Variants in CHIC1 observed in about 807,000 individuals in gnomAD.
CHIC1 encodes cysteine-rich hydrophobic domain-containing protein 1.
CHIC1 carries 7 observed loss-of-function variants against 18.5 expected under a neutral mutation model. That is an observed-to-expected ratio of 0.38 (90% confidence interval 0.22 to 0.71). The LOEUF (loss-of-function observed/expected upper bound fraction) is 0.71. Ranked by LOEUF, CHIC1 falls within the 30% of genes least tolerant of loss-of-function variation. The pLI, the probability that CHIC1 is intolerant of heterozygous loss-of-function variation, is 0.49. For missense variants in CHIC1, 159 were observed against 176.9 expected (o/e 0.90, Z 0.57); for synonymous variants, 77 against 73.5 (o/e 1.05, Z -0.25).
At chrX:73,599,309 T>G (rs1165919511) in intron 3 of CHIC1, among the ~76,000 whole-genome samples, 1 of 103,140 alleles carries the variant, frequency 9.7e-6, no homozygotes, top group Non-Finnish European at 1.9e-5. Context: ...GGTAGTTTCT[T>G]TTGCTGTGCA....
intron 3 of CHIC1, 60 bp downstream of exon 3, chrX:73,584,632 A>G: frequency 1.2e-6 from 1 of 862,355 alleles, no homozygotes; most frequent in African/African-American, 2.0e-5. Context: ...AAAACTTACT[A>G]TGTGCTATGA....
At chrX:73,658,717 T>C (rs2057964215) in intron 3 of CHIC1, among the ~76,000 whole-genome samples, 1 of 111,663 alleles carries the variant, frequency 9.0e-6, no homozygotes. Flanking sequence ...CTTTTTGTTG[T>C]GATGTTAGGT....
intron 3 of CHIC1, among the ~76,000 whole-genome samples, chrX:73,660,324 C>A (rs921856337): frequency 9.0e-6 from 1 of 111,641 alleles, no homozygotes; most frequent in Non-Finnish European, 1.9e-5. Context: ...TAATGAGGGA[C>A]CCCACTGGGG....
chrX:73,614,689 A>C (rs67781133), intron 3 of CHIC1, among the ~76,000 whole-genome samples: 5,252 of 109,737 alleles, frequency 0.048, 322 homozygotes, highest in African/African-American at 0.16. Context: ...TTATGTAATA[A>C]ATTCTTTATT....
chrX:73,595,434 T>C (rs780922736), intron 3 of CHIC1, among the ~76,000 whole-genome samples: 2 of 111,598 alleles, frequency 1.8e-5, no homozygotes, highest in South Asian at 3.8e-4. Context: ...TTTGGTTTTC[T>C]GTTCCTGTGT....
intron 3 of CHIC1, among the ~76,000 whole-genome samples, chrX:73,626,027 T>C (rs189316314): frequency 1.4e-4 from 16 of 110,832 alleles, no homozygotes; most frequent in Non-Finnish European, 2.1e-4. Flanking sequence ...GCCAGGAAGA[T>C]GTTACTAGAA....
At chrX:73,587,742 G>A (rs773399794) in intron 3 of CHIC1, among the ~76,000 whole-genome samples, 7 of 111,691 alleles carry the variant, frequency 6.3e-5, no homozygotes, top group East Asian at 2.8e-4. Context: ...AGCAAATTAC[G>A]TGTAATCTAT....
intron 3 of CHIC1, among the ~76,000 whole-genome samples, chrX:73,653,889 A>G (rs1313612479): frequency 8.9e-6 from 1 of 112,536 alleles, no homozygotes; most frequent in African/African-American, 3.2e-5. Flanking sequence ...TGCTACTGAC[A>G]TTCATGTGTT....
At chrX:73,617,241 C>G (rs776297834) in intron 3 of CHIC1, among the ~76,000 whole-genome samples, 2 of 111,745 alleles carry the variant, frequency 1.8e-5, no homozygotes, top group South Asian at 7.5e-4. Context: ...ACTCCAGTTC[C>G]CAACAAGTTC....
chrX:73,580,719 A>G (rs2057522642), intron 2 of CHIC1, among the ~76,000 whole-genome samples: 1 of 110,941 alleles, frequency 9.0e-6, no homozygotes, highest in Non-Finnish European at 1.9e-5. Flanking sequence ...TTTAAAATGA[A>G]TAACTGTGAT....
chrX:73,564,797 T>TG (rs1360199078), intron 1 of CHIC1, among the ~76,000 whole-genome samples: 2 of 89,614 alleles, frequency 2.2e-5, no homozygotes, highest in East Asian at 3.6e-4. Context: ...TTGAGTTTTT[T>TG]TTTTTTTTTT....
intron 3 of CHIC1, among the ~76,000 whole-genome samples, chrX:73,639,342 G>A (rs2057844581): frequency 9.0e-6 from 1 of 111,723 alleles, no homozygotes; most frequent in African/African-American, 3.3e-5. Context: ...ATCTATTCAT[G>A]TCCTTTGCCC....
intron 3 of CHIC1, among the ~76,000 whole-genome samples, chrX:73,649,034 C>T (rs767835659): frequency 1.8e-5 from 2 of 111,720 alleles, no homozygotes; most frequent in Admixed American, 9.5e-5. Flanking sequence ...AAGAGAGTGG[C>T]GGCCAATATT....
chrX:73,586,830 G>T (rs2147553494), intron 3 of CHIC1, among the ~76,000 whole-genome samples: 1 of 111,937 alleles, frequency 8.9e-6, no homozygotes, highest in Non-Finnish European at 1.9e-5. Context: ...ATAATAAACA[G>T]CCCACTGAAT....
chrX:73,679,177 C>G, intron 3 of CHIC1, 149 bp from the exon 4 acceptor site: 1 of 417,180 alleles, frequency 2.4e-6, no homozygotes, highest in South Asian at 4.4e-5. Flanking sequence ...TTAGCATTTT[C>G]TGCCACTGAT....
chrX:73,656,507 G>A (rs2057949992), intron 3 of CHIC1, among the ~76,000 whole-genome samples: 1 of 111,701 alleles, frequency 9.0e-6, no homozygotes, highest in African/African-American at 3.3e-5. Context: ...CTATTTTTCA[G>A]TTTTTTGCAT....
At chrX:73,679,526 G>A (rs1020845513) in intron 4 of CHIC1, 128 bp from the exon 5 acceptor site, 29 of 543,041 alleles carry the variant, frequency 5.3e-5, no homozygotes, top group Middle Eastern at 5.0e-4. Flanking sequence ...TCTTTACAAG[G>A]TATTTTTAAG....
intron 3 of CHIC1, among the ~76,000 whole-genome samples, chrX:73,600,927 A>G (rs2147565943): frequency 9.2e-6 from 1 of 108,119 alleles, no homozygotes; most frequent in East Asian, 2.8e-4. Context: ...CTGATAAAAC[A>G]GACTTTAAAC....
intron 3 of CHIC1, among the ~76,000 whole-genome samples, chrX:73,653,724 C>G (rs1032204023): frequency 1.8e-5 from 2 of 111,781 alleles, no homozygotes; most frequent in African/African-American, 6.5e-5. Flanking sequence ...GTGTGTGTGC[C>G]CTTTTTAATT....
Sources: gnomAD v4.1 joint callset for allele counts (sites outside exome capture counted in the v4.1 genomes callset) on GRCh38, gnomAD v4.1.1 for gene constraint, MANE v1.5 for transcripts, NCBI Gene and HGNC (gene_info 2026-07-23, HGNC 2026-07-21) for gene names.